The following RBM39 variants were observed in gnomAD, a reference collection of about 807,000 sequenced individuals.
The protein encoded by RBM39 is RNA-binding protein 39.
A neutral mutation model predicts 79.6 loss-of-function variants in RBM39; 12 were observed. That is an observed-to-expected ratio of 0.15 (90% CI 0.10 to 0.24). The LOEUF (loss-of-function observed/expected upper bound fraction) is 0.24. Among genes scored for constraint, RBM39 ranks in the 10% least tolerant of loss-of-function variants. The probability of loss-of-function intolerance (pLI) is 1.00; values close to 1 mark genes in which losing one functional copy is unlikely to be tolerated. For missense variants in RBM39, 243 were observed against 653.4 expected, an observed-to-expected ratio of 0.37 and a Z score of 6.85; for synonymous variants, 185 against 208.4, an observed-to-expected ratio of 0.89 and a Z score of 0.97.
At chr20:35,710,597 A>G (rs1334329874) in intron 12 of RBM39, 1 of 152,230 alleles carries the variant, frequency 6.6e-6, no homozygotes, top group East Asian at 1.9e-4. Flanking sequence ...AACTGGCAGA[A>G]TAAAATAATG....
chr20:35,734,376 G>A (rs1335820044), intron 3 of RBM39: 4 of 410,474 alleles, frequency 9.7e-6, no homozygotes, highest in East Asian at 8.0e-5. Context: ...GCCCAGATGG[G>A]CAATAGGTAA....
rs938690767 is a variant in RBM39, at chr20:35,734,811, T to C, written c.102-2676A>G. 7.2e-6 allele frequency: 10 copies of C among 1,388,876 alleles called. No individual in the cohort carries two copies. In the Admixed American group the frequency reaches 1.4e-4, roughly 19 times the overall value. The allele number at this position is 1,388,876 out of a possible 1,614,324, so 86.0% of individuals were successfully genotyped here. On this transcript the variant is annotated intron_variant, in intron 3 of 16. Transcript: ENST00000253363. ...ACTACAAGGGTGCAAGAAACCAGTA[T>C]ATTTCCAGCTTCAAAGAGCATTTAT...
chr20:35,716,830 A>G (rs755436854), intron 9 of RBM39, 25 bp from the exon 10 acceptor site: 2 of 1,530,518 alleles, frequency 1.3e-6, no homozygotes, highest in Non-Finnish European at 1.8e-6. Flanking sequence ...CATAATTACT[A>G]TAACTTAAAA....
chr20:35,706,750 G>A (rs995129426), intron 14 of RBM39, among the ~76,000 whole-genome samples: 14 of 151,888 alleles, frequency 9.2e-5, no homozygotes, highest in Admixed American at 2.0e-4. Flanking sequence ...ATACCAGGCC[G>A]GGCCCGGTGG....
chr20:35,729,100 T>C, intron 6 of RBM39, among the ~76,000 whole-genome samples: 1 of 152,010 alleles, frequency 6.6e-6, no homozygotes, highest in East Asian at 1.9e-4. Flanking sequence ...AATAAATAAA[T>C]AAATATATAA....
At chr20:35,705,060 T>G (rs1006954035) in intron 15 of RBM39, 165 bp downstream of exon 15, 7 of 613,386 alleles carry the variant, frequency 1.1e-5, no homozygotes, top group Non-Finnish European at 2.0e-5. Flanking sequence ...TGATTTTCTT[T>G]TATTTTGGAG....
At chr20:35,706,613 T>C (rs1476315605) in intron 14 of RBM39, among the ~76,000 whole-genome samples, 1 of 152,164 alleles carries the variant, frequency 6.6e-6, no homozygotes, top group African/African-American at 2.4e-5. Flanking sequence ...TAGCTAGGCA[T>C]AGTTACTAGC....
intron 9 of RBM39, chr20:35,720,171 GA>G: frequency 6.4e-6 from 1 of 155,064 alleles, no homozygotes; most frequent in Non-Finnish European, 1.5e-5. Flanking sequence ...TTATTGAGTG[GA>G]AAAGGTTCAT....
intron 6 of RBM39, among the ~76,000 whole-genome samples, chr20:35,727,485 CCTTTT>C (rs2038871440): frequency 6.6e-6 from 1 of 151,458 alleles, no homozygotes; most frequent in Non-Finnish European, 1.5e-5. Flanking sequence ...AATACAGTTC[CCTTTT>C]TTTTTGTAGA....
intron 3 of RBM39, among the ~76,000 whole-genome samples, chr20:35,736,819 A>AT (rs2039973015): frequency 1.3e-5 from 2 of 151,630 alleles, no homozygotes; most frequent in Admixed American, 1.3e-4. Flanking sequence ...CGCCCAGCTA[A>AT]TTTTTGTATT....
chr20:35,724,862 ATCTT>A (rs1343448764), intron 7 of RBM39, 140 bp from the exon 8 acceptor site: 26 of 1,171,498 alleles, frequency 2.2e-5, no homozygotes, highest in Non-Finnish European at 3.0e-5. Context: ...CCTATATCCT[ATCTT>A]TATCTTTGAA....
intron 9 of RBM39, chr20:35,720,177 G>A (rs1264492412): frequency 1.3e-5 from 2 of 154,970 alleles, no homozygotes; most frequent in African/African-American, 2.4e-5. Context: ...AGTGGAAAAG[G>A]TTCATTCCTC....
intron 6 of RBM39, among the ~76,000 whole-genome samples, chr20:35,725,652 ATTTTC>A (rs2038560667): frequency 7.7e-6 from 1 of 129,546 alleles, no homozygotes; most frequent in Non-Finnish European, 1.6e-5. Flanking sequence ...TCCCAAACCC[ATTTTC>A]TTTTTTTTTT....
intron 4 of RBM39, 48 bp from the exon 5 acceptor site, chr20:35,729,575 C>T: frequency 6.5e-7 from 1 of 1,545,274 alleles, no homozygotes; most frequent in South Asian, 1.1e-5. Context: ...TAGGGTCTTG[C>T]TAAGATCGCA....
chr20:35,725,573 G>A (rs540549149), intron 6 of RBM39, among the ~76,000 whole-genome samples: 26 of 151,460 alleles, frequency 1.7e-4, no homozygotes, highest in East Asian at 7.8e-4. Flanking sequence ...GAGCCACTAC[G>A]CCTGGCCTAA....
chr20:35,707,050 A>AAAAAAAAAAAAAAAAAAAAAAAT (rs1568985925), intron 14 of RBM39, 70 bp downstream of exon 14: 1 of 700,182 alleles, frequency 1.4e-6, no homozygotes, highest in African/African-American at 2.0e-5. Flanking sequence ...AAAAAAAAAA[A>AAAAAAAAAAAAAAAAAAAAAAAT]AGAGAAATAT....
rs760812573 is a variant in RBM39, at chr20:35,731,998, C to T, written c.239G>A (p.Arg80Gln). Residue 80 changes from arginine to glutamine, a missense_variant, in exon 4 of 17, where the codon CGA (arginine) becomes CAA (glutamine). Arg to Gln is a conservative substitution (Grantham distance 43). Around this residue, in one of 4 missense-constraint regions of RBM39, gnomAD observed 115 missense variants for 184.1 expected, o/e 0.62. Coordinates refer to ENST00000253363, the MANE Select transcript of RBM39 (RefSeq NM_184234.3). ...ATCTCGACTTCTTGAGCGGCTCCGT[C>T]GCCTCTCTTTGCTTCTACTTCGCTT... Reference protein sequence around the residue: ...ERKRSRSKERRRSRSRSRDRR... With the variant: ...ERKRSRSKERQRSRSRSRDRR... The T allele has an allele frequency of 6.2e-7, 1 of 1,614,146 alleles. No homozygotes were observed. Among genetic ancestry groups the T allele is most frequent in the Non-Finnish European group, 8.5e-7 (1 of 1,180,020 alleles).
chr20:35,737,389 CAAAA>C (rs58047560), intron 3 of RBM39, among the ~76,000 whole-genome samples: 3 of 62,234 alleles, frequency 4.8e-5, no homozygotes, highest in African/African-American at 5.7e-5. Context: ...AACTCCATCT[CAAAA>C]AAAAAAAAAA....
chr20:35,738,788 C>CA lies in RBM39; in HGVS notation c.101+179dup, dbSNP rs1028860779. Among the ~76,000 whole-genome samples, 73 of 152,120 alleles carry CA rather than the reference C, an allele frequency of 4.8e-4. 1 individual carries two copies. Among genetic ancestry groups the CA allele is most frequent in the Admixed American group, 8.5e-4 (13 of 15,292 alleles). ...CTGAAACTATATTCTGAAATCTAAG[C>CA]AAAAAAATCCACAGTTCCTCCAAGA... On this transcript the variant is annotated intron_variant, in intron 3 of 16. Transcript: ENST00000253363.
Sources: gnomAD v4.1 joint callset for allele counts (sites outside exome capture counted in the v4.1 genomes callset) on GRCh38, gnomAD v4.1.1 for gene constraint, gnomAD v4.1.1 regional missense constraint, MANE v1.5 for transcripts, NCBI Gene and HGNC (gene_info 2026-07-23, HGNC 2026-07-21) for gene names.